The following SVOP variants were observed in gnomAD, a reference collection of about 807,000 sequenced individuals.
SVOP encodes SV2 related protein.
In SVOP, 17 loss-of-function variants were observed where a neutral mutation model predicts 69.1. The observed-to-expected ratio is 0.25, with a 90% CI of 0.17 to 0.37. SVOP has a LOEUF of 0.37. Ranked by LOEUF, SVOP falls within the 10% of genes least tolerant of loss-of-function variation. The probability of loss-of-function intolerance (pLI) is 1.00; values close to 1 mark genes in which losing one functional copy is unlikely to be tolerated. For missense variants in SVOP, 435 were observed against 597.5 expected (o/e 0.73, Z 2.84); for synonymous variants, 238 against 238.6 (o/e 1.00, Z 0.02).
chr12:108,923,023 T>G (rs774496355), intron 11 of SVOP, among the ~76,000 whole-genome samples: 1 of 152,146 alleles, frequency 6.6e-6, no homozygotes. Context: ...AAAAGCACCA[T>G]GTAAAGGGAT....
chr12:109,017,521 G>T (rs926016869), intron 1 of SVOP, among the ~76,000 whole-genome samples: 10 of 152,248 alleles, frequency 6.6e-5, no homozygotes, highest in South Asian at 2.1e-4. Flanking sequence ...CTGAGGGACA[G>T]ATTTTTTTAA....
In SVOP at chr12:108,972,294, T is replaced by G; in HGVS notation, c.453+111A>C. The stretch of plus-strand genomic sequence containing the variant: ...AATGTCTTCTCACTGTACTTCAACA[T>G]CATCCTTATTAGGCCTCCCAACTGC... On this transcript the variant is annotated intron_variant, in intron 5 of 15. Transcript: ENST00000610966. 3 of 1,003,334 alleles carry G rather than the reference T, an allele frequency of 3.0e-6. No individual in the cohort carries two copies. In the South Asian group the frequency reaches 4.3e-5, roughly 14 times the overall value. 62.2% of individuals were successfully genotyped at this position (1,003,334 alleles called of 1,614,324 possible).
chr12:109,001,220 A>G (rs2040267497), intron 1 of SVOP, among the ~76,000 whole-genome samples: 1 of 74,916 alleles, frequency 1.3e-5, no homozygotes, highest in African/African-American at 4.5e-5. Flanking sequence ...TGCTTCAAAG[A>G]GAATAAAATA....
At chr12:108,982,126 A>G (rs2040139318) in intron 2 of SVOP, among the ~76,000 whole-genome samples, 1 of 151,850 alleles carries the variant, frequency 6.6e-6, no homozygotes, top group African/African-American at 2.4e-5. Flanking sequence ...CATCTTCATC[A>G]TCATCATCAC....
chr12:108,935,603 C>G (rs1024833353), intron 10 of SVOP, among the ~76,000 whole-genome samples: 2 of 152,148 alleles, frequency 1.3e-5, no homozygotes, highest in Non-Finnish European at 2.9e-5. Context: ...TTCTCCTCTT[C>G]CCTGTAATTG....
In SVOP at chr12:108,912,566, A is replaced by G. The variant is rs1342226436; in HGVS notation, c.1616T>C (p.Val539Ala). The change falls in exon 16 of 16, where the codon GTT becomes GCT. Residue 539 changes from valine to alanine, a missense_variant. Coordinates refer to ENST00000610966, the MANE Select transcript of SVOP (RefSeq NM_018711.5). Reference protein sequence around the residue: ...MVGRGMHGAGVTRSNSGSQE With the variant: ...MVGRGMHGAGATRSNSGSQE Reference sequence around the variant, plus strand: ...CTGAGAGCCAGAGTTCGACCTGGTAACACCTGCACCGTGCATTCCTCGGCC... The same window carrying G: ...CTGAGAGCCAGAGTTCGACCTGGTAGCACCTGCACCGTGCATTCCTCGGCC... 7.4e-6 allele frequency: 12 copies of G among 1,613,716 alleles called. No homozygotes were observed. Among genetic ancestry groups the G allele is most frequent in the Non-Finnish European group, 1.0e-5 (12 of 1,179,714 alleles).
At chr12:108,960,746 A>G (rs984895510) in intron 6 of SVOP, among the ~76,000 whole-genome samples, 177 bp downstream of exon 6, 1 of 152,144 alleles carries the variant, frequency 6.6e-6, no homozygotes, top group Non-Finnish European at 1.5e-5. Context: ...GATCATAACA[A>G]TACTGATAAT....
chr12:108,945,824 A>T (rs2039919165), intron 6 of SVOP, among the ~76,000 whole-genome samples: 1 of 152,132 alleles, frequency 6.6e-6, no homozygotes, highest in Non-Finnish European at 1.5e-5. Context: ...CTCAGCACAC[A>T]ATGTCAATCT....
intron 8 of SVOP, among the ~76,000 whole-genome samples, chr12:108,940,475 T>G (rs946544063): frequency 6.6e-6 from 1 of 152,244 alleles, no homozygotes; most frequent in Non-Finnish European, 1.5e-5. Context: ...TTCTGTCATT[T>G]GAAACTTAAG....
At chr12:108,967,485 C>T (rs924992868) in intron 5 of SVOP, among the ~76,000 whole-genome samples, 1 of 149,966 alleles carries the variant, frequency 6.7e-6, no homozygotes, top group African/African-American at 2.5e-5. Flanking sequence ...GGTGACAAAG[C>T]GCGACTTTGT....
intron 5 of SVOP, among the ~76,000 whole-genome samples, chr12:108,970,034 CA>C (rs1264455207): frequency 6.6e-6 from 1 of 152,210 alleles, no homozygotes; most frequent in Non-Finnish European, 1.5e-5. Flanking sequence ...TCTGGAGTTA[CA>C]TTCTTGGCAA....
intron 1 of SVOP, among the ~76,000 whole-genome samples, chr12:109,016,452 A>T (rs181347791): frequency 6.6e-6 from 1 of 152,202 alleles, no homozygotes; most frequent in Non-Finnish European, 1.5e-5. Context: ...ACTCCTTGTC[A>T]TATACTACAA....
chr12:108,915,041 T>C (rs1366281210), intron 15 of SVOP, among the ~76,000 whole-genome samples: 1 of 151,258 alleles, frequency 6.6e-6, no homozygotes, highest in Non-Finnish European at 1.5e-5. Flanking sequence ...GGCGTGGTGG[T>C]GCACGCCTGT....
intron 1 of SVOP, among the ~76,000 whole-genome samples, chr12:109,004,900 G>C (rs1316578873): frequency 1.3e-5 from 2 of 151,694 alleles, no homozygotes; most frequent in African/African-American, 4.8e-5. Context: ...ACCATGCCTA[G>C]CTAAGTTTTG....
At chr12:109,015,737 G>A (rs770822939) in intron 1 of SVOP, among the ~76,000 whole-genome samples, 4 of 152,134 alleles carry the variant, frequency 2.6e-5, no homozygotes, top group Admixed American at 6.5e-5. Context: ...AGGTTGCGGT[G>A]AGCTGAGATC....
chr12:108,960,788 T>G, intron 6 of SVOP, 135 bp downstream of exon 6: 1 of 1,083,314 alleles, frequency 9.2e-7, no homozygotes, highest in Non-Finnish European at 1.3e-6. Context: ...CATAGCTCCT[T>G]GATCCTGGAA....
At chr12:108,968,479 A>G (rs2040059449) in intron 5 of SVOP, among the ~76,000 whole-genome samples, 1 of 152,198 alleles carries the variant, frequency 6.6e-6, no homozygotes, top group Admixed American at 6.5e-5. Flanking sequence ...TGGGGATTCA[A>G]TGAATGGTAG....
chr12:108,930,407 AT>A (rs1210559261), intron 11 of SVOP, among the ~76,000 whole-genome samples: 1 of 143,822 alleles, frequency 7.0e-6, no homozygotes, highest in Non-Finnish European at 1.5e-5. Flanking sequence ...TGTTTGCCTT[AT>A]TTGAATAGAG....
At chr12:108,943,460 G>A (rs770204288) in intron 7 of SVOP, among the ~76,000 whole-genome samples, 5 of 152,002 alleles carry the variant, frequency 3.3e-5, no homozygotes, top group East Asian at 3.9e-4. Flanking sequence ...TTAGCCAGGC[G>A]TGGTGGTGGG....
Sources: allele counts gnomAD v4.1 joint callset (sites outside exome capture counted in the v4.1 genomes callset), GRCh38; gene constraint gnomAD v4.1.1; transcripts MANE v1.5; gene names NCBI Gene and HGNC (gene_info 2026-07-23, HGNC 2026-07-21).